The following GRID2 variants were observed in gnomAD, a reference collection of about 807,000 sequenced individuals.
GRID2 encodes glutamate receptor ionotropic, delta-2.
A neutral mutation model predicts 114.8 loss-of-function variants in GRID2; 33 were observed. The observed-to-expected ratio is 0.29, with a 90% CI of 0.22 to 0.38. GRID2 has a LOEUF of 0.38. GRID2 is among the 10% of genes least tolerant of loss of function. The pLI is 1.00. For missense variants in GRID2, 1,184 were observed against 1,257.7 expected (o/e 0.94, Z 0.89); for synonymous variants, 505 against 449.9 (o/e 1.12, Z -1.55).
chr4:92,627,882 T>C (rs1730600900), intron 2 of GRID2, among the ~76,000 whole-genome samples: 1 of 152,136 alleles, frequency 6.6e-6, no homozygotes, highest in African/African-American at 2.4e-5. Context: ...CATAAGTGTG[T>C]AAATATTGAC....
At chr4:93,777,520 A>G (rs185793889), downstream of GRID2, among the ~76,000 whole-genome samples, 2 of 152,296 alleles carry the variant, frequency 1.3e-5, no homozygotes, top group Admixed American at 1.3e-4. Context: ...TACCTACCTC[A>G]TAGTATAGAC....
At chr4:93,468,794 G>A (rs1381492633) in intron 11 of GRID2, among the ~76,000 whole-genome samples, 1 of 152,012 alleles carries the variant, frequency 6.6e-6, no homozygotes, top group African/African-American at 2.4e-5. Context: ...GTAATGGGAG[G>A]CATTGACAAA....
At chr4:93,761,660 T>G (rs2110312357) in intron 14 of GRID2, among the ~76,000 whole-genome samples, 1 of 152,302 alleles carries the variant, frequency 6.6e-6, no homozygotes, top group Admixed American at 6.5e-5. Flanking sequence ...CTTGGTGGAT[T>G]GAAATTAAGC....
intron 2 of GRID2, among the ~76,000 whole-genome samples, chr4:92,650,456 T>A (rs188597154): frequency 5.9e-5 from 9 of 152,218 alleles, no homozygotes. Flanking sequence ...TTCTAAGATA[T>A]CTTCTGTATT....
chr4:92,396,915 A>G (rs1180291775), intron 1 of GRID2, among the ~76,000 whole-genome samples: 1 of 152,098 alleles, frequency 6.6e-6, no homozygotes, highest in Non-Finnish European at 1.5e-5. Context: ...AGCATGGACA[A>G]ACTGCTCATT....
intron 2 of GRID2, among the ~76,000 whole-genome samples, chr4:92,643,111 T>C (rs1731441685): frequency 6.6e-6 from 1 of 151,802 alleles, no homozygotes; most frequent in African/African-American, 2.4e-5. Flanking sequence ...AATTTTAGAA[T>C]AGTTTTATTT....
intron 8 of GRID2, among the ~76,000 whole-genome samples, chr4:93,275,867 T>A (rs1415391231): frequency 5.3e-5 from 8 of 151,964 alleles, no homozygotes; most frequent in Admixed American, 5.3e-4. Context: ...TGGATATAAA[T>A]CCTTTATCAG....
At chr4:93,717,317 T>C (rs1560938614) in intron 14 of GRID2, among the ~76,000 whole-genome samples, 3 of 152,126 alleles carry the variant, frequency 2.0e-5, no homozygotes, top group Non-Finnish European at 2.9e-5. Flanking sequence ...TGGTTTTTTA[T>C]TGTCACTCTC....
intron 1 of GRID2, among the ~76,000 whole-genome samples, chr4:92,529,427 T>C (rs1235931058): frequency 6.6e-6 from 1 of 152,052 alleles, no homozygotes; most frequent in Non-Finnish European, 1.5e-5. Context: ...AGAGAAGACC[T>C]CATTGAATAG....
intron 13 of GRID2, among the ~76,000 whole-genome samples, chr4:93,590,643 G>A (rs919470458): frequency 6.6e-6 from 1 of 152,056 alleles, no homozygotes; most frequent in Admixed American, 6.6e-5. Context: ...AATTACCTTG[G>A]GCAGTATGGC....
At chr4:93,256,495 C>G (rs1749606378) in intron 8 of GRID2, among the ~76,000 whole-genome samples, 1 of 151,318 alleles carries the variant, frequency 6.6e-6, no homozygotes, top group South Asian at 2.1e-4. Flanking sequence ...ATCCCCTTTT[C>G]CAAGAAGCCA....
intron 13 of GRID2, among the ~76,000 whole-genome samples, chr4:93,552,253 C>A (rs1215814454): frequency 6.6e-6 from 1 of 151,932 alleles, no homozygotes; most frequent in Non-Finnish European, 1.5e-5. Context: ...TGTATATGTG[C>A]CACATTTTCT....
At chr4:92,968,924 A>T (rs1753326647) in intron 2 of GRID2, among the ~76,000 whole-genome samples, 1 of 151,776 alleles carries the variant, frequency 6.6e-6, no homozygotes, top group Non-Finnish European at 1.5e-5. Context: ...TACCCAAAGA[A>T]AACCATTGTT....
At chr4:92,525,808 C>T (rs1725064201) in intron 1 of GRID2, among the ~76,000 whole-genome samples, 1 of 151,982 alleles carries the variant, frequency 6.6e-6, no homozygotes, top group Non-Finnish European at 1.5e-5. Flanking sequence ...TTAAATGGCA[C>T]AGTGGAAAGT....
At chr4:93,535,047 G>C (rs1051217983) in intron 13 of GRID2, among the ~76,000 whole-genome samples, 85 of 151,776 alleles carry the variant, frequency 5.6e-4, no homozygotes, top group Admixed American at 5.6e-3. Flanking sequence ...CTCTGGTAAC[G>C]ACCATTCTAC....
chr4:93,706,897 GT>G (rs1728049389), intron 14 of GRID2, among the ~76,000 whole-genome samples: 1 of 152,072 alleles, frequency 6.6e-6, no homozygotes, highest in Admixed American at 6.6e-5. Context: ...TCTATACTCA[GT>G]TTTGTGGGAG....
intron 8 of GRID2, among the ~76,000 whole-genome samples, chr4:93,241,329 C>A (rs1418250960): frequency 6.6e-6 from 1 of 151,412 alleles, no homozygotes; most frequent in East Asian, 1.9e-4. Context: ...TTATTTTACA[C>A]CTTCTAGGGA....
chr4:92,428,566 T>C, intron 1 of GRID2, among the ~76,000 whole-genome samples: 1 of 152,164 alleles, frequency 6.6e-6, no homozygotes, highest in East Asian at 1.9e-4. Flanking sequence ...GCATTTATCA[T>C]AATTTTCTTT....
At chr4:93,268,101 T>C (rs1040031068) in intron 8 of GRID2, among the ~76,000 whole-genome samples, 2 of 152,212 alleles carry the variant, frequency 1.3e-5, no homozygotes, top group Non-Finnish European at 2.9e-5. Context: ...CTGCCCATTT[T>C]CTTTTTTCTG....
Sources: gnomAD v4.1 joint callset for allele counts (sites outside exome capture counted in the v4.1 genomes callset) on GRCh38, gnomAD v4.1.1 for gene constraint, MANE v1.5 for transcripts, NCBI Gene and HGNC (gene_info 2026-07-23, HGNC 2026-07-21) for gene names.